WDFY4: variants seen among roughly 807,000 people sequenced by gnomAD.
WDFY4 encodes the protein WD repeat- and FYVE domain-containing protein 4.
WDFY4 carries 169 observed loss-of-function variants against 351.9 expected under a neutral mutation model. That is an observed-to-expected ratio of 0.48 (90% confidence interval 0.42 to 0.55). The LOEUF is 0.55. Among genes scored for constraint, WDFY4 ranks in the 20% least tolerant of loss-of-function variants. The probability of loss-of-function intolerance (pLI) is 0.00; values close to 1 mark genes in which losing one functional copy is unlikely to be tolerated. For synonymous variants in WDFY4, 1,622 were observed against 1,574.6 expected (o/e 1.03, Z -0.71); for missense variants, 3,803 against 3,935.6 (o/e 0.97, Z 0.90).
chr10:48,817,423 C>G lies in WDFY4; in HGVS notation c.5505+14C>G, dbSNP rs1434996631. ...GGAGCCCAAAAGGTAGGACATGCTG[C>G]TGTCCCACCCAGAGAGAGCAGTTGT... is the stretch of plus-strand genomic sequence containing the variant. On this transcript the variant is annotated intron_variant, in intron 32 of 61. Coordinates refer to ENST00000325239, the MANE Select transcript of WDFY4 (RefSeq NM_001394531.1). The G allele has an allele frequency of 1.3e-6, 2 of 1,543,642 alleles. No individual in the cohort carries two copies. Among genetic ancestry groups the G allele is most frequent in the East Asian group, 4.9e-5 (2 of 40,666 alleles).
chr10:48,905,438 G>T (rs1215734483), intron 47 of WDFY4, among the ~76,000 whole-genome samples: 2 of 152,180 alleles, frequency 1.3e-5, no homozygotes, highest in African/African-American at 2.4e-5. Flanking sequence ...GCCAACCTGT[G>T]TACCACCTTG....
At chr10:48,773,945 TG>T (rs922291560) in intron 13 of WDFY4, among the ~76,000 whole-genome samples, 1 of 152,030 alleles carries the variant, frequency 6.6e-6, no homozygotes, top group South Asian at 2.1e-4. Context: ...AAAGCCAAGC[TG>T]GGGGGGATGT....
At chr10:48,822,751 G>A (rs2067867208) in intron 35 of WDFY4, among the ~76,000 whole-genome samples, 1 of 152,202 alleles carries the variant, frequency 6.6e-6, no homozygotes, top group East Asian at 1.9e-4. Context: ...CCCAGTCCCA[G>A]GGATTGGAAG....
At chr10:48,965,652 A>T (rs1312705684) in intron 54 of WDFY4, among the ~76,000 whole-genome samples, 1 of 151,868 alleles carries the variant, frequency 6.6e-6, no homozygotes, top group Non-Finnish European at 1.5e-5. Context: ...TTCTCCCTCC[A>T]GCGTACGCCT....
intron 47 of WDFY4, chr10:48,913,780 C>T (rs768130694): frequency 3.1e-6 from 5 of 1,614,118 alleles, no homozygotes; most frequent in Non-Finnish European, 4.2e-6. Context: ...CCTAGGTTCA[C>T]AGCGCGGATG....
At chr10:48,687,781 A>ATT (rs35915325) in intron 1 of WDFY4, among the ~76,000 whole-genome samples, 6 of 108,254 alleles carry the variant, frequency 5.5e-5, no homozygotes, top group African/African-American at 1.4e-4. Flanking sequence ...CACCTGGCTA[A>ATT]TTTTTTTTTT....
At chr10:48,704,803 G>A (rs1565110535) in intron 1 of WDFY4, among the ~76,000 whole-genome samples, 1 of 152,248 alleles carries the variant, frequency 6.6e-6, no homozygotes, top group Admixed American at 6.5e-5. Context: ...AGTACCAGCT[G>A]TGGACGAAGG....
At chr10:48,876,847 C>T (rs954101413) in intron 42 of WDFY4, among the ~76,000 whole-genome samples, 186 bp from the exon 43 acceptor site, 1 of 152,216 alleles carries the variant, frequency 6.6e-6, no homozygotes, top group Non-Finnish European at 1.5e-5. Flanking sequence ...GACCACACCC[C>T]AGGGTGCCCC....
chr10:48,914,153 CA>C (rs745464841), intron 47 of WDFY4: 1 of 1,611,550 alleles, frequency 6.2e-7, no homozygotes, highest in Non-Finnish European at 8.5e-7. Flanking sequence ...CACCCTTAAC[CA>C]TGTTCTTTTA....
chr10:48,724,969 T>C (rs1171180595), intron 5 of WDFY4, among the ~76,000 whole-genome samples: 2 of 151,476 alleles, frequency 1.3e-5, no homozygotes, highest in African/African-American at 2.4e-5. Context: ...ATCAGTGGAG[T>C]CTATTCTGAG....
chr10:48,778,949 C>T lies in WDFY4; in HGVS notation c.3397+117C>T. 7.7e-6 allele frequency: 9 copies of T among 1,174,950 alleles called. 1 individual carries two copies. In the South Asian group the frequency reaches 1.4e-4, roughly 18 times the overall value. 72.8% of individuals were successfully genotyped at this position (1,174,950 alleles called of 1,614,324 possible). On this transcript the variant is annotated intron_variant, in intron 18 of 61. Coordinates refer to ENST00000325239, the MANE Select transcript of WDFY4 (RefSeq NM_001394531.1). ...TGGTGACCTTCTGTTTCTCCTCATC[C>T]TTTGAAATTGCTCCCTTGGGTTCCA...
rs1017407288 is a variant in WDFY4, at chr10:48,906,715, A to G, written c.7586+4852A>G. Among the ~76,000 whole-genome samples, 7 of 152,350 alleles carry G rather than the reference A, an allele frequency of 4.6e-5. No homozygotes were observed. The East Asian group carries it at 1.4e-3, about 29-fold the overall frequency. On this transcript the variant is annotated intron_variant, in intron 47 of 61. Coordinates refer to ENST00000325239, the MANE Select transcript of WDFY4 (RefSeq NM_001394531.1). ...GATAAACACACATCCTCACACTTAA[A>G]TGTACTCATGCCCTTCCAGAAAGGG...
intron 42 of WDFY4, among the ~76,000 whole-genome samples, chr10:48,875,524 C>T (rs895057708): frequency 2.0e-5 from 3 of 152,224 alleles, no homozygotes; most frequent in Admixed American, 2.0e-4. Flanking sequence ...ACACAATCCT[C>T]CTGCCTCAGC....
chr10:48,802,987 G>A (rs149821620), intron 24 of WDFY4, among the ~76,000 whole-genome samples: 42 of 152,306 alleles, frequency 2.8e-4, no homozygotes, highest in African/African-American at 9.4e-4. Context: ...TGGACACTTG[G>A]GCTGTGGGCC....
chr10:48,945,142 G>A (rs965959901), intron 49 of WDFY4, among the ~76,000 whole-genome samples: 3 of 152,176 alleles, frequency 2.0e-5, no homozygotes, highest in Non-Finnish European at 2.9e-5. Flanking sequence ...TTGGGAGGCC[G>A]AAGCAGGAGG....
Position 48,725,885 on chromosome 10 carries a change from T to C in WDFY4, c.596T>C (p.Leu199Ser). Reference protein sequence around the residue: ...LQVQKMFVQMLLNICSDSQGL... With the variant: ...LQVQKMFVQMSLNICSDSQGL... The stretch of plus-strand genomic sequence containing the variant: ...GTTTATCTTCTTATTTTTCAGATGT[T>C]GCTCAATATTTGCAGTGACTCTCAG... The change falls in exon 6 of 62, where the codon TTG becomes TCG. Residue 199 changes from leucine (L) to serine (S), a missense_variant. Coordinates refer to ENST00000325239, the MANE Select transcript of WDFY4 (RefSeq NM_001394531.1). The C allele has an allele frequency of 6.5e-7, 1 of 1,536,922 alleles. No homozygotes were observed. Among genetic ancestry groups the C allele is most frequent in the African/African-American group, 1.4e-5 (1 of 72,954 alleles).
chr10:48,900,567 T>G (rs1405912820), intron 46 of WDFY4, among the ~76,000 whole-genome samples: 1 of 152,182 alleles, frequency 6.6e-6, no homozygotes, highest in African/African-American at 2.4e-5. Flanking sequence ...GAACAGGAAG[T>G]GAGAAAAAAA....
At chr10:48,843,935 G>T (rs970331104) in intron 39 of WDFY4, among the ~76,000 whole-genome samples, 1 of 152,202 alleles carries the variant, frequency 6.6e-6, no homozygotes, top group African/African-American at 2.4e-5. Context: ...GCATTCAAAA[G>T]ACAGAAGTGT....
chr10:48,908,552 C>T (rs1837747553), intron 47 of WDFY4, among the ~76,000 whole-genome samples: 1 of 152,042 alleles, frequency 6.6e-6, no homozygotes, highest in South Asian at 2.1e-4. Context: ...TCATGTTAAG[C>T]TTGCCATAGT....
Sources: allele counts gnomAD v4.1 joint callset (sites outside exome capture counted in the v4.1 genomes callset), GRCh38; gene constraint gnomAD v4.1.1; transcripts MANE v1.5; gene names NCBI Gene and HGNC (gene_info 2026-07-23, HGNC 2026-07-21).